Variants in WDR27 observed in about 807,000 individuals in gnomAD.
The protein encoded by WDR27 is WD repeat domain 27.
A neutral mutation model predicts 114.4 loss-of-function variants in WDR27; 100 were observed. That is an observed-to-expected ratio of 0.87 (90% CI 0.74 to 1.03). The LOEUF (loss-of-function observed/expected upper bound fraction) is 1.03. WDR27 is among the 50% of genes least tolerant of loss of function. The pLI is 0.00. For missense variants in WDR27, 1,129 were observed against 1,092.9 expected, an observed-to-expected ratio of 1.03 and a Z score of -0.47; for synonymous variants, 449 against 423.1, an observed-to-expected ratio of 1.06 and a Z score of -0.75.
chr6:169,645,023 T>TAAAAAAAAAAAAGAAAA (rs776362942), intron 16 of WDR27, among the ~76,000 whole-genome samples: 1 of 46,982 alleles, frequency 2.1e-5, no homozygotes, highest in Admixed American at 2.9e-4. Context: ...AAAAAAAAAA[T>TAAAAAAAAAAAAGAAAA]AAAAAAAAAA....
the WDR27 span, chr6:169,426,707 ACTGT>A: frequency 6.6e-6 from 1 of 152,284 alleles, no homozygotes; most frequent in Non-Finnish European, 1.5e-5. Context: ...AAAATTGGAA[ACTGT>A]CTTTTTACTG....
chr6:169,630,088 C>T (rs1019604439), intron 21 of WDR27, among the ~76,000 whole-genome samples: 1 of 152,158 alleles, frequency 6.6e-6, no homozygotes, highest in African/African-American at 2.4e-5. Flanking sequence ...GACTCACAGA[C>T]TTTTAGAAAA....
At chr6:169,633,527 C>T (rs530529815) in intron 20 of WDR27, among the ~76,000 whole-genome samples, 16 of 152,326 alleles carry the variant, frequency 1.1e-4, no homozygotes, top group Non-Finnish European at 1.6e-4. Context: ...AGTGCCATGT[C>T]GGCAGGTGAC....
chr6:169,533,848 T>TGC (rs747799471), intron 25 of WDR27, among the ~76,000 whole-genome samples: 14 of 150,920 alleles, frequency 9.3e-5, no homozygotes, highest in South Asian at 2.1e-4. Flanking sequence ...TGTGTGTGTG[T>TGC]GCACATGTGC....
intron 25 of WDR27, among the ~76,000 whole-genome samples, chr6:169,527,757 G>A (rs1406370853): frequency 1.3e-5 from 2 of 152,166 alleles, no homozygotes; most frequent in East Asian, 3.8e-4. Flanking sequence ...TTAGCTGGGT[G>A]TTACTGGTTT....
chr6:169,555,660 T>A (rs1248838268), intron 25 of WDR27, among the ~76,000 whole-genome samples: 1 of 152,234 alleles, frequency 6.6e-6, no homozygotes, highest in Non-Finnish European at 1.5e-5. Flanking sequence ...GAGCCTTCAC[T>A]TTTGTAATGG....
chr6:169,476,344 A>G (rs1354494713), intron 25 of WDR27, among the ~76,000 whole-genome samples: 2 of 152,176 alleles, frequency 1.3e-5, no homozygotes, highest in African/African-American at 2.4e-5. Flanking sequence ...TCTTGAGTTA[A>G]AAGAACCTGC....
chr6:169,576,026 T>C (rs951817717), intron 24 of WDR27, among the ~76,000 whole-genome samples: 1 of 151,000 alleles, frequency 6.6e-6, no homozygotes, highest in Non-Finnish European at 1.5e-5. Flanking sequence ...CTGATAACCA[T>C]GACTGGAAAA....
At position 169,493,141 on chromosome 6, in the gene WDR27, T is replaced by C. The variant is rs141108522; in HGVS notation, c.2646-35507A>G. On this transcript the variant is annotated intron_variant, in intron 25 of 25. Coordinates refer to ENST00000448612, the MANE Select transcript of WDR27 (RefSeq NM_182552.5). ...ATTGGATTAAAATTATAAAATTGGATTAATAAATTCAGCCAGAAAGATTGA... is the reference window on the plus strand; with the variant it reads ...ATTGGATTAAAATTATAAAATTGGACTAATAAATTCAGCCAGAAAGATTGA... Among the ~76,000 whole-genome samples the C allele has an allele frequency of 1.4e-3, 215 of 152,094 alleles. 4 individuals are homozygous for C. The East Asian group carries it at 0.032, about 23-fold the overall frequency.
intron 25 of WDR27, among the ~76,000 whole-genome samples, chr6:169,545,661 G>A (rs905401406): frequency 2.6e-5 from 4 of 152,182 alleles, no homozygotes; most frequent in Non-Finnish European, 4.4e-5. Flanking sequence ...CTTGGTGACA[G>A]AGTGAGACCC....
At chr6:169,464,261 G>A (rs1048061261) in intron 25 of WDR27, among the ~76,000 whole-genome samples, 1 of 152,154 alleles carries the variant, frequency 6.6e-6, no homozygotes, top group Non-Finnish European at 1.5e-5. Flanking sequence ...TTTGAGAAGG[G>A]CTCCAAGACC....
At chr6:169,636,597 A>G in intron 18 of WDR27, 93 bp from the exon 19 acceptor site, 1 of 1,303,570 alleles carries the variant, frequency 7.7e-7, no homozygotes, top group Non-Finnish European at 1.0e-6. Context: ...TTAAAACCCA[A>G]CATCTATTTG....
At chr6:169,495,699 T>C (rs1790313659) in intron 25 of WDR27, among the ~76,000 whole-genome samples, 2 of 151,978 alleles carry the variant, frequency 1.3e-5, no homozygotes. Flanking sequence ...CCTATAAACA[T>C]AAAATCTACC....
At chr6:169,686,396 C>T (rs896310330) in intron 2 of WDR27, among the ~76,000 whole-genome samples, 5 of 151,994 alleles carry the variant, frequency 3.3e-5, no homozygotes, top group African/African-American at 7.2e-5. Flanking sequence ...AATAAAATGA[C>T]AGGAATGAGT....
At chr6:169,594,084 C>T (rs1806302878) in intron 23 of WDR27, among the ~76,000 whole-genome samples, 1 of 151,958 alleles carries the variant, frequency 6.6e-6, no homozygotes, top group Admixed American at 6.6e-5. Context: ...TATAAATTTC[C>T]CTTCAAAAAC....
At chr6:169,452,382 C>T (rs757475571), downstream of WDR27, among the ~76,000 whole-genome samples, 3 of 152,264 alleles carry the variant, frequency 2.0e-5, no homozygotes, top group Admixed American at 6.5e-5. Context: ...CTGTAGATTA[C>T]TGACACGCGG....
At chr6:169,666,550 C>T in intron 6 of WDR27, 3 of 985,516 alleles carry the variant, frequency 3.0e-6, no homozygotes, top group Non-Finnish European at 3.6e-6. Context: ...AGGGGCTGCA[C>T]GGGAGAGGTG....
chr6:169,632,998 C>A lies in WDR27; in HGVS notation c.2172G>T (p.Ala724=). Residue 724 remains alanine, a synonymous_variant, in exon 21 of 26, where the codon GCG becomes GCT. Transcript: ENST00000448612. The stretch of plus-strand genomic sequence containing the variant: ...GCCGTGAGTGGGCTTCCGCTATCAC[C>A]GCTGCACTGCAGCCGGCGTTGAGGT... The part of the protein sequence containing the change: ...VFDLNAGCSA[A]VIAEAHSRPV... 6.3e-7 allele frequency: 1 copy of A among 1,598,878 alleles called. No homozygotes were observed. The highest frequency in any genetic ancestry group is 8.6e-7 in the Non-Finnish European group (1 of 1,167,722).
chr6:169,499,464 T>G (rs1790842174), intron 25 of WDR27, among the ~76,000 whole-genome samples: 1 of 152,186 alleles, frequency 6.6e-6, no homozygotes, highest in Admixed American at 6.5e-5. Context: ...CTGCGCTAAA[T>G]GTGAGGAGAT....
Sources: allele counts gnomAD v4.1 joint callset (sites outside exome capture counted in the v4.1 genomes callset), GRCh38; gene constraint gnomAD v4.1.1; transcripts MANE v1.5; gene names NCBI Gene and HGNC (gene_info 2026-07-23, HGNC 2026-07-21).